The following TNNI3K variants were observed in gnomAD, a reference collection of about 807,000 sequenced individuals.
TNNI3K encodes the protein TNNI3 interacting kinase, also known as serine/threonine-protein kinase TNNI3K.
In TNNI3K, 140 loss-of-function variants were observed where a neutral mutation model predicts 114.5. That is an observed-to-expected ratio of 1.22 (90% CI 1.07 to 1.41). The LOEUF is 1.41. Ranked by LOEUF, TNNI3K falls within the 40% of genes most tolerant of loss-of-function variation. The pLI is 0.00. For synonymous variants in TNNI3K, 347 were observed against 347.5 expected, an observed-to-expected ratio of 1.00 and a Z score of 0.02; for missense variants, 1,125 against 1,007.6, an observed-to-expected ratio of 1.12 and a Z score of -1.58.
At chr1:74,513,090 A>C (rs1646285840) in intron 23 of TNNI3K, among the ~76,000 whole-genome samples, 1 of 152,236 alleles carries the variant, frequency 6.6e-6, no homozygotes, top group African/African-American at 2.4e-5. Context: ...TTCTGTTGTT[A>C]GAATCAACCT....
At chr1:74,294,201 A>T (rs1657846158) in intron 5 of TNNI3K, among the ~76,000 whole-genome samples, 1 of 151,918 alleles carries the variant, frequency 6.6e-6, no homozygotes, top group South Asian at 2.1e-4. Context: ...TTTGAAAGAC[A>T]TTGTCCTATA....
chr1:74,427,298 T>C (rs1404363542), intron 17 of TNNI3K, among the ~76,000 whole-genome samples: 1 of 73,200 alleles, frequency 1.4e-5, no homozygotes, highest in African/African-American at 5.4e-5. Flanking sequence ...GAGCAAAAGT[T>C]GGAAACTTTT....
intron 5 of TNNI3K, among the ~76,000 whole-genome samples, chr1:74,285,734 G>C (rs1055757920): frequency 2.0e-5 from 3 of 152,098 alleles, no homozygotes; most frequent in Non-Finnish European, 2.9e-5. Flanking sequence ...AATTATTCAA[G>C]TGTTTTAGGA....
intron 21 of TNNI3K, chr1:74,480,137 C>T (rs1287491924): frequency 4.2e-6 from 3 of 708,848 alleles, no homozygotes; most frequent in Non-Finnish European, 5.2e-6. Context: ...GGAGGGCACA[C>T]TTCTCCCCGG....
intron 17 of TNNI3K, among the ~76,000 whole-genome samples, chr1:74,404,394 TCTTAA>T (rs1664514824): frequency 6.6e-6 from 1 of 152,168 alleles, no homozygotes; most frequent in Non-Finnish European, 1.5e-5. Context: ...ACCCAGTTTC[TCTTAA>T]CTTGTCTCCT....
intron 9 of TNNI3K, 97 bp downstream of exon 9, chr1:74,343,276 G>T (rs1004507671): frequency 7.7e-7 from 1 of 1,306,552 alleles, no homozygotes; most frequent in Admixed American, 2.4e-5. Context: ...AGTGGCAGAT[G>T]TTGCAATCAG....
chr1:74,511,487 G>T (rs576601585), intron 23 of TNNI3K, among the ~76,000 whole-genome samples: 1 of 152,232 alleles, frequency 6.6e-6, no homozygotes, highest in South Asian at 2.1e-4. Flanking sequence ...TTACTTACAG[G>T]TGGAAAACAC....
intron 23 of TNNI3K, among the ~76,000 whole-genome samples, chr1:74,520,417 C>A (rs1646415152): frequency 6.6e-6 from 1 of 152,040 alleles, no homozygotes; most frequent in Non-Finnish European, 1.5e-5. Context: ...CTCTGTGACT[C>A]CATGGATTCT....
At chr1:74,341,636 G>C (rs1198721945) in intron 7 of TNNI3K, 1 of 151,650 alleles carries the variant, frequency 6.6e-6, no homozygotes, top group South Asian at 2.1e-4. Context: ...GTAGATTAAA[G>C]GATATTATGT....
chr1:74,374,292 GATA>G (rs1662768198), intron 17 of TNNI3K: 1 of 151,892 alleles, frequency 6.6e-6, no homozygotes, highest in African/African-American at 2.4e-5. Context: ...TGATGATAAT[GATA>G]ATACCTACCA....
rs1183612502 is a variant in TNNI3K at position 74,521,228 on chromosome 1, T to C, written c.2352-19006T>C. Among the ~76,000 whole-genome samples, 5 of 152,326 alleles carry C rather than the reference T, an allele frequency of 3.3e-5. No individual in the cohort carries two copies. In the South Asian group the frequency reaches 6.2e-4, roughly 19 times the overall value. Reference sequence around the variant, plus strand: ...AGTAGGACTGGCTGGGTTCACATTGTGGCACTGCCATTTTCTCTGTGCGAT... The same window carrying C: ...AGTAGGACTGGCTGGGTTCACATTGCGGCACTGCCATTTTCTCTGTGCGAT... On this transcript the variant is annotated intron_variant, in intron 23 of 24. Transcript: ENST00000326637.
chr1:74,529,868 G>T (rs1353239569), intron 23 of TNNI3K, among the ~76,000 whole-genome samples: 1 of 152,106 alleles, frequency 6.6e-6, no homozygotes, highest in Non-Finnish European at 1.5e-5. Flanking sequence ...CCCACCCCTT[G>T]TGAACCAGGG....
chr1:74,235,808 C>G (rs1289577108), intron 1 of TNNI3K, among the ~76,000 whole-genome samples: 1 of 150,966 alleles, frequency 6.6e-6, no homozygotes, highest in African/African-American at 2.4e-5. Context: ...TAAAAACCGT[C>G]TTGCAACTAG....
chr1:74,311,385 CT>C (rs755694350), intron 5 of TNNI3K, among the ~76,000 whole-genome samples: 2 of 152,044 alleles, frequency 1.3e-5, no homozygotes, highest in Non-Finnish European at 2.9e-5. Context: ...ATTATTATCT[CT>C]AATTAGTTCC....
intron 17 of TNNI3K, among the ~76,000 whole-genome samples, chr1:74,394,357 G>A (rs1663960421): frequency 6.6e-6 from 1 of 152,114 alleles, no homozygotes; most frequent in Non-Finnish European, 1.5e-5. Flanking sequence ...GCTTAACCAT[G>A]CTTCCCTAAA....
At chr1:74,529,619 T>C (rs929272248) in intron 23 of TNNI3K, among the ~76,000 whole-genome samples, 23 of 152,230 alleles carry the variant, frequency 1.5e-4, no homozygotes, top group African/African-American at 5.1e-4. Flanking sequence ...TTTGGTTATG[T>C]AGGAGGATGT....
At chr1:74,419,292 T>A (rs1320794317) in intron 17 of TNNI3K, among the ~76,000 whole-genome samples, 1 of 152,082 alleles carries the variant, frequency 6.6e-6, no homozygotes, top group Non-Finnish European at 1.5e-5. Context: ...AGAACACTTG[T>A]CATTGGATTT....
chr1:74,476,051 C>G (rs1169271106), intron 21 of TNNI3K, among the ~76,000 whole-genome samples: 1 of 152,072 alleles, frequency 6.6e-6, no homozygotes, highest in African/African-American at 2.4e-5. Flanking sequence ...TCTGGAATCT[C>G]TTTGGTAGAA....
intron 23 of TNNI3K, among the ~76,000 whole-genome samples, chr1:74,498,446 A>G (rs1669446270): frequency 6.6e-6 from 1 of 152,236 alleles, no homozygotes; most frequent in Non-Finnish European, 1.5e-5. Context: ...TAGATCATAA[A>G]TATGTTAAAA....
Sources: allele counts gnomAD v4.1 joint callset (sites outside exome capture counted in the v4.1 genomes callset), GRCh38; gene constraint gnomAD v4.1.1; transcripts MANE v1.5; gene names NCBI Gene and HGNC (gene_info 2026-07-23, HGNC 2026-07-21).